Variants in PDE1C observed in about 807,000 individuals in gnomAD.
The protein encoded by PDE1C is dual specificity calcium/calmodulin-dependent 3',5'-cyclic nucleotide phosphodiesterase 1C.
PDE1C carries 62 observed loss-of-function variants against 93.1 expected under a neutral mutation model. The observed-to-expected ratio is 0.67, with a 90% confidence interval of 0.54 to 0.82. The LOEUF (loss-of-function observed/expected upper bound fraction) is 0.82. PDE1C is among the 40% of genes least tolerant of loss of function. The probability of loss-of-function intolerance (pLI) is 0.00; values close to 1 mark genes in which losing one functional copy is unlikely to be tolerated. For missense variants in PDE1C, 742 were observed against 884.6 expected, an observed-to-expected ratio of 0.84 and a Z score of 2.04; for synonymous variants, 325 against 310.1, an observed-to-expected ratio of 1.05 and a Z score of -0.50.
intron 15 of PDE1C, among the ~76,000 whole-genome samples, chr7:31,814,053 T>C (rs1204016397): frequency 1.3e-5 from 2 of 150,630 alleles, no homozygotes; most frequent in Non-Finnish European, 3.0e-5. Flanking sequence ...CATATATATG[T>C]ACACACACGC....
At chr7:32,225,240 C>T (rs1232939142) in intron 1 of PDE1C, among the ~76,000 whole-genome samples, 1 of 152,044 alleles carries the variant, frequency 6.6e-6, no homozygotes, top group Non-Finnish European at 1.5e-5. Flanking sequence ...TTTTGGAATG[C>T]CCATTATAAA....
At chr7:31,781,848 AAAG>A (rs1240889538) in intron 16 of PDE1C, among the ~76,000 whole-genome samples, 2 of 152,134 alleles carry the variant, frequency 1.3e-5, no homozygotes, top group African/African-American at 4.8e-5. Context: ...TGTTCATCAC[AAAG>A]AAGAATGATT....
At chr7:31,864,295 G>T (rs150890975) in intron 7 of PDE1C, among the ~76,000 whole-genome samples, 162 of 152,286 alleles carry the variant, frequency 1.1e-3, no homozygotes, top group Non-Finnish European at 1.7e-3. Context: ...GTTCGAGGCT[G>T]CAGTGAGCTA....
chr7:32,243,413 T>C (rs1303619717), intron 1 of PDE1C, among the ~76,000 whole-genome samples: 1 of 152,078 alleles, frequency 6.6e-6, no homozygotes, highest in Non-Finnish European at 1.5e-5. Flanking sequence ...CTGATGACAA[T>C]GGTTAAAATG....
At chr7:31,891,969 A>C (rs899628395) in intron 2 of PDE1C, among the ~76,000 whole-genome samples, 1 of 152,216 alleles carries the variant, frequency 6.6e-6, no homozygotes, top group Non-Finnish European at 1.5e-5. Context: ...TAAAGGGTAC[A>C]TGGGAATTCC....
At chr7:31,651,928 T>G in the PDE1C span, 1 of 1,566,898 alleles carries the variant, frequency 6.4e-7, no homozygotes, top group Admixed American at 1.9e-5. Flanking sequence ...TTTTCTATTA[T>G]TTACTTGCAG....
intron 16 of PDE1C, among the ~76,000 whole-genome samples, chr7:31,779,613 G>A (rs1562776666): frequency 2.0e-5 from 3 of 152,152 alleles, no homozygotes; most frequent in Non-Finnish European, 4.4e-5. Context: ...CAGGGATGAA[G>A]CCATCCCACC....
At chr7:31,864,126 G>A (rs895928941) in intron 7 of PDE1C, among the ~76,000 whole-genome samples, 2 of 152,070 alleles carry the variant, frequency 1.3e-5, no homozygotes, top group Non-Finnish European at 2.9e-5. Flanking sequence ...CTTTTTAAAT[G>A]AATGGCTTAC....
At chr7:31,829,044 T>C (rs916019318) in intron 11 of PDE1C, among the ~76,000 whole-genome samples, 1 of 152,066 alleles carries the variant, frequency 6.6e-6, no homozygotes, top group African/African-American at 2.4e-5. Flanking sequence ...AATGGAGATG[T>C]TTTCTAAAAA....
intron 1 of PDE1C, among the ~76,000 whole-genome samples, chr7:32,280,754 G>A (rs1369186658): frequency 6.6e-6 from 1 of 152,198 alleles, no homozygotes; most frequent in African/African-American, 2.4e-5. Context: ...TTGGGAAGCT[G>A]AGGCGGGAGG....
At chr7:32,321,549 A>T (rs1372194854) in intron 1 of PDE1C, among the ~76,000 whole-genome samples, 1 of 152,246 alleles carries the variant, frequency 6.6e-6, no homozygotes, top group Non-Finnish European at 1.5e-5. Context: ...GTTAAGGAAC[A>T]TTCCTGACTT....
intron 1 of PDE1C, among the ~76,000 whole-genome samples, chr7:32,327,049 A>G (rs1177575552): frequency 6.6e-6 from 1 of 152,182 alleles, no homozygotes; most frequent in Non-Finnish European, 1.5e-5. Flanking sequence ...ATTCCTACTT[A>G]GCCTCTCTTG....
At chr7:32,071,787 A>C (rs1347607503), upstream of PDE1C, among the ~76,000 whole-genome samples, 4 of 152,094 alleles carry the variant, frequency 2.6e-5, no homozygotes, top group East Asian at 7.8e-4. Flanking sequence ...AGAGGAACCA[A>C]AGACTGGGGG....
intron 2 of PDE1C, among the ~76,000 whole-genome samples, chr7:31,954,651 C>A (rs762432491): frequency 9.2e-5 from 14 of 152,162 alleles, no homozygotes; most frequent in Admixed American, 1.3e-4. Context: ...ATTCTTTTCT[C>A]CACTTATCTG....
chr7:32,041,041 C>A (rs907404816), intron 2 of PDE1C, among the ~76,000 whole-genome samples: 1 of 152,118 alleles, frequency 6.6e-6, no homozygotes, highest in Non-Finnish European at 1.5e-5. Context: ...AAAGTGTAAG[C>A]CTTCTGCATA....
In PDE1C at chr7:32,231,204, C is replaced by T. The variant is rs538164380; in HGVS notation, c.86-21665G>A. On this transcript the variant is annotated intron_variant, in intron 1 of 18. Coordinates refer to the PDE1C transcript ENST00000396193. ...AGAAATTATGAAAATCACACCCAAT[C>T]CAAAACCATACAACAGAGAGTTCAC... Among the ~76,000 whole-genome samples the T allele has an allele frequency of 2.6e-5, 4 of 152,232 alleles. No homozygotes were observed. In the South Asian group the frequency reaches 8.3e-4, roughly 32 times the overall value.
chr7:31,939,724 A>G (rs1805566820), intron 2 of PDE1C, among the ~76,000 whole-genome samples: 1 of 152,206 alleles, frequency 6.6e-6, no homozygotes, highest in African/African-American at 2.4e-5. Flanking sequence ...TACCAAAAAG[A>G]CCAATGAATT....
intron 3 of PDE1C, among the ~76,000 whole-genome samples, chr7:32,152,466 G>C (rs1471491147): frequency 6.6e-6 from 1 of 152,150 alleles, no homozygotes; most frequent in Non-Finnish European, 1.5e-5. Flanking sequence ...ATTTTAAGTA[G>C]TCACTTCAAA....
chr7:31,637,481 T>C, the PDE1C span, among the ~76,000 whole-genome samples: 1 of 152,240 alleles, frequency 6.6e-6, no homozygotes, highest in Non-Finnish European at 1.5e-5. Flanking sequence ...ATTTCTCTGA[T>C]GGCCAGTGAT....
Sources: allele counts gnomAD v4.1 joint callset (sites outside exome capture counted in the v4.1 genomes callset), GRCh38; gene constraint gnomAD v4.1.1; transcripts MANE v1.5; gene names NCBI Gene and HGNC (gene_info 2026-07-23, HGNC 2026-07-21).